Variants in PGM2L1 observed in about 807,000 individuals in gnomAD.
The protein encoded by PGM2L1 is glucose 1,6-bisphosphate synthase.
PGM2L1 carries 35 observed loss-of-function variants against 73.4 expected under a neutral mutation model. The observed-to-expected ratio is 0.48, with a 90% CI of 0.36 to 0.63. The LOEUF (loss-of-function observed/expected upper bound fraction) is 0.63. Among genes scored for constraint, PGM2L1 ranks in the 30% least tolerant of loss-of-function variants. The probability of loss-of-function intolerance (pLI) is 0.00; values close to 1 mark genes in which losing one functional copy is unlikely to be tolerated. For missense variants in PGM2L1, 570 were observed against 742.0 expected (o/e 0.77, Z 2.69); for synonymous variants, 225 against 253.8 (o/e 0.89, Z 1.08).
At chr11:74,377,610 G>T (rs1218171027) in intron 1 of PGM2L1, among the ~76,000 whole-genome samples, 1 of 152,108 alleles carries the variant, frequency 6.6e-6, no homozygotes, top group East Asian at 1.9e-4. Context: ...TACCTCTGAA[G>T]GGGATATTAG....
intron 9 of PGM2L1, 92 bp from the exon 10 acceptor site, chr11:74,343,508 A>G (rs1862215684): frequency 1.0e-5 from 16 of 1,523,886 alleles, no homozygotes; most frequent in Non-Finnish European, 1.4e-5. Context: ...CAACGTTCAT[A>G]TAATGATCCT....
intron 5 of PGM2L1, among the ~76,000 whole-genome samples, chr11:74,358,085 AT>A (rs1245322093): frequency 6.6e-6 from 1 of 152,254 alleles, no homozygotes; most frequent in Non-Finnish European, 1.5e-5. Context: ...TGATACTATA[AT>A]GGTGGATACG....
Position 74,340,569 on chromosome 11 carries a change from C to A in PGM2L1, c.1632+1892G>T, listed in dbSNP as rs12271382. The stretch of plus-strand genomic sequence containing the variant: ...CCAGAATCTTGAGACCACATCAGAA[C>A]ATTACAAATGGAAATTTGGGCTAAT... On this transcript the variant is annotated intron_variant, in intron 12 of 13. Transcript: ENST00000298198. Among the ~76,000 whole-genome samples, 701 of 152,284 alleles carry A rather than the reference C, an allele frequency of 4.6e-3. 8 individuals are homozygous for A. The highest frequency in any genetic ancestry group is 0.016 in the African/African-American group (662 of 41,552).
chr11:74,391,957 T>C (rs1863109063), intron 1 of PGM2L1, among the ~76,000 whole-genome samples: 1 of 152,250 alleles, frequency 6.6e-6, no homozygotes, highest in African/African-American at 2.4e-5. Flanking sequence ...TAGCATTAAT[T>C]ATATTGTTTA....
At chr11:74,358,762 G>A (rs540550593) in intron 5 of PGM2L1, among the ~76,000 whole-genome samples, 27 of 152,216 alleles carry the variant, frequency 1.8e-4, no homozygotes, top group Non-Finnish European at 2.9e-4. Context: ...GATGGTGCAC[G>A]CCTGTAGTCC....
intron 1 of PGM2L1, among the ~76,000 whole-genome samples, chr11:74,389,830 G>T (rs1863067073): frequency 6.7e-6 from 1 of 149,330 alleles, no homozygotes; most frequent in Non-Finnish European, 1.5e-5. Flanking sequence ...CTGGCCGGGT[G>T]CGGTGGCTCA....
chr11:74,377,849 T>C (rs916917389), intron 1 of PGM2L1, among the ~76,000 whole-genome samples: 5 of 152,266 alleles, frequency 3.3e-5, no homozygotes, highest in South Asian at 4.1e-4. Context: ...CTATAAAACA[T>C]ATATTGGCTT....
chr11:74,383,166 T>C (rs1297593253), intron 1 of PGM2L1, among the ~76,000 whole-genome samples: 4 of 152,114 alleles, frequency 2.6e-5, no homozygotes, highest in Non-Finnish European at 5.9e-5. Flanking sequence ...CACATGTTAA[T>C]AGAAAACTGG....
At chr11:74,349,104 C>T (rs141528806) in intron 6 of PGM2L1, among the ~76,000 whole-genome samples, 128 of 152,260 alleles carry the variant, frequency 8.4e-4, no homozygotes, top group African/African-American at 2.7e-3. Context: ...TTTGAAAATT[C>T]TGTTATTTCT....
intron 1 of PGM2L1, among the ~76,000 whole-genome samples, chr11:74,389,159 G>A (rs927489631): frequency 2.6e-5 from 4 of 152,124 alleles, no homozygotes; most frequent in Non-Finnish European, 5.9e-5. Context: ...CAGCCACTCC[G>A]GAAACTGAGG....
chr11:74,371,795 C>T lies in PGM2L1; in HGVS notation c.302G>A (p.Arg101Lys). 6.2e-7 allele frequency: 1 copy of T among 1,613,742 alleles called. No homozygotes were observed. Among genetic ancestry groups the T allele is most frequent in the Non-Finnish European group, 8.5e-7 (1 of 1,179,722 alleles). Residue 101 changes from arginine (R) to lysine (K), a missense_variant, in exon 3 of 14, where the codon AGA (arginine) becomes AAA (lysine). Physicochemically the swap from Arg to Lys is conservative, Grantham distance 26. Transcript: ENST00000298198. Reference protein sequence around the residue: ...STQGMYKYLERCFSDFKQRGF... With the variant: ...STQGMYKYLEKCFSDFKQRGF... ...TCTCTGCTTGAAGTCTGAGAAACAT[C>T]TCTCAAGGTATTTGTACATCCCCTG...
At chr11:74,392,577 G>C (rs945498408) in intron 1 of PGM2L1, among the ~76,000 whole-genome samples, 7 of 150,248 alleles carry the variant, frequency 4.7e-5, no homozygotes, top group African/African-American at 1.7e-4. Context: ...GTCTGGCTCT[G>C]TCGCCCAGGC....
Position 74,347,425 on chromosome 11 carries a change from G to A in PGM2L1, c.750-88C>T, listed in dbSNP as rs576020101. ...AACAATCAAATTCTGATTTGAAAAT[G>A]TGATTAAATGTGATTTAAGCCTTCA... On this transcript the variant is annotated intron_variant, in intron 6 of 13. Transcript: ENST00000298198. The A allele has an allele frequency of 2.8e-6, 3 of 1,081,208 alleles. No homozygotes were observed. In the South Asian group the frequency reaches 6.5e-5, roughly 23 times the overall value. The allele number at this position is 1,081,208 out of a possible 1,614,324, so 67.0% of individuals were successfully genotyped here.
At chr11:74,391,434 C>A (rs915253066) in intron 1 of PGM2L1, among the ~76,000 whole-genome samples, 2 of 152,130 alleles carry the variant, frequency 1.3e-5, no homozygotes, top group African/African-American at 4.8e-5. Flanking sequence ...AGTTACTCCA[C>A]ATCAACTTCC....
intron 12 of PGM2L1, among the ~76,000 whole-genome samples, chr11:74,341,453 A>G (rs1334503427): frequency 6.6e-6 from 1 of 152,150 alleles, no homozygotes; most frequent in Non-Finnish European, 1.5e-5. Context: ...GCATTTTGGG[A>G]GGCCGAGGTG....
intron 1 of PGM2L1, among the ~76,000 whole-genome samples, chr11:74,384,920 A>G (rs1342448609): frequency 2.0e-5 from 3 of 152,204 alleles, no homozygotes; most frequent in African/African-American, 7.2e-5. Flanking sequence ...CTATACTAGC[A>G]AGGCTAACAA....
chr11:74,367,390 T>A (rs1349829368), intron 5 of PGM2L1, among the ~76,000 whole-genome samples: 2 of 152,124 alleles, frequency 1.3e-5, no homozygotes, highest in African/African-American at 4.8e-5. Flanking sequence ...GACACCAATC[T>A]CGTTTAGTCT....
In PGM2L1 at chr11:74,398,251, C is replaced by A; in HGVS notation, c.-90G>T. ...TGGGGTTCGCTCACCAGGGTCCAGG[C>A]GTCCCCACCTCACTGAAGGGCATCG... On this transcript the variant is annotated 5_prime_UTR_variant, in exon 1 of 14. Coordinates refer to ENST00000298198, the MANE Select transcript of PGM2L1 (RefSeq NM_173582.6). 2.7e-6 allele frequency: 4 copies of A among 1,475,142 alleles called. No individual in the cohort carries two copies. The highest frequency in any genetic ancestry group is 3.6e-6 in the Non-Finnish European group (4 of 1,111,702). 91.4% of individuals were successfully genotyped at this position (1,475,142 alleles called of 1,614,324 possible).
At chr11:74,372,394 C>T (rs1265936080) in intron 2 of PGM2L1, among the ~76,000 whole-genome samples, 1 of 152,152 alleles carries the variant, frequency 6.6e-6, no homozygotes, top group Non-Finnish European at 1.5e-5. Flanking sequence ...GGAAAATTTG[C>T]AGTCATGGAT....
Sources: gnomAD v4.1 joint callset for allele counts (sites outside exome capture counted in the v4.1 genomes callset) on GRCh38, gnomAD v4.1.1 for gene constraint, MANE v1.5 for transcripts, NCBI Gene and HGNC (gene_info 2026-07-23, HGNC 2026-07-21) for gene names.